The following PTPRN2 variants were observed in gnomAD, a reference collection of about 807,000 sequenced individuals.
PTPRN2 encodes the protein receptor-type tyrosine-protein phosphatase N2.
PTPRN2 carries 74 observed loss-of-function variants against 118.8 expected under a neutral mutation model. That is an observed-to-expected ratio of 0.62 (90% CI 0.52 to 0.76). PTPRN2 has a LOEUF of 0.76. Ranked by LOEUF, PTPRN2 falls within the 30% of genes least tolerant of loss-of-function variation. PTPRN2 has a pLI of 0.00. For synonymous variants in PTPRN2, 641 were observed against 608.0 expected (o/e 1.05, Z -0.80); for missense variants, 1,481 against 1,394.4 (o/e 1.06, Z -0.99).
chr7:158,333,612 T>G (rs1475954718), intron 2 of PTPRN2, among the ~76,000 whole-genome samples: 1 of 150,484 alleles, frequency 6.6e-6, no homozygotes, highest in Non-Finnish European at 1.5e-5. Context: ...ACTCTCACTA[T>G]AAGAGGTGAC....
intron 12 of PTPRN2, among the ~76,000 whole-genome samples, chr7:157,805,289 CTGTG>C (rs57161533): frequency 0.092 from 13,680 of 148,780 alleles, 689 homozygotes; most frequent in Middle Eastern, 0.14. Context: ...ATATATACTC[CTGTG>C]TGTGTGTGTG....
chr7:158,425,670 A>T (rs1417331435), intron 2 of PTPRN2, among the ~76,000 whole-genome samples: 1 of 9,876 alleles, frequency 1.0e-4, no homozygotes, highest in Non-Finnish European at 1.6e-4. Flanking sequence ...CGCGGGGTCC[A>T]AGTGCAGCCT....
chr7:157,820,484 C>T (rs1042634420), intron 12 of PTPRN2, among the ~76,000 whole-genome samples: 1 of 148,170 alleles, frequency 6.7e-6, no homozygotes, highest in Non-Finnish European at 1.5e-5. Context: ...CACTCATACA[C>T]GCACTCACAG....
chr7:158,286,403 G>A (rs183298268), intron 3 of PTPRN2, among the ~76,000 whole-genome samples: 17 of 152,282 alleles, frequency 1.1e-4, no homozygotes, highest in African/African-American at 1.9e-4. Flanking sequence ...AAGAAGTGGC[G>A]AGAGTTAGCA....
chr7:158,564,284 C>T (rs977227191), intron 1 of PTPRN2, among the ~76,000 whole-genome samples: 1 of 152,178 alleles, frequency 6.6e-6, no homozygotes, highest in Non-Finnish European at 1.5e-5. Flanking sequence ...GCAATGAACA[C>T]GCTTATGCAA....
Position 157,808,101 on chromosome 7 carries a change from A to C in PTPRN2, c.1788+90572T>G, listed in dbSNP as rs766590409. Among the ~76,000 whole-genome samples the C allele has an allele frequency of 3.3e-5, 5 of 151,880 alleles. No individual in the cohort carries two copies. The highest frequency in any genetic ancestry group is 7.3e-5 in the Non-Finnish European group (5 of 68,028). Reference sequence around the variant, plus strand: ...TCTCCCACCCATGTCTTCCCACTGGACCAGGCATCCCCAGCCTCTGGGCCA... The same window carrying C: ...TCTCCCACCCATGTCTTCCCACTGGCCCAGGCATCCCCAGCCTCTGGGCCA... On this transcript the variant is annotated intron_variant, in intron 12 of 22. Transcript: ENST00000389418. This position sits in a 1 kb window ranked among gnomAD's most constrained non-coding sequence, Gnocchi z 5.0.
At chr7:157,933,814 GA>G (rs1799539164) in intron 11 of PTPRN2, among the ~76,000 whole-genome samples, 3 of 133,574 alleles carry the variant, frequency 2.2e-5, no homozygotes, top group African/African-American at 7.5e-5. Flanking sequence ...GACAGCTTTA[GA>G]GGAAGGGTGA....
At chr7:157,892,272 G>A (rs1584963334) in intron 12 of PTPRN2, among the ~76,000 whole-genome samples, 1 of 152,214 alleles carries the variant, frequency 6.6e-6, no homozygotes. Context: ...CCATGGATCT[G>A]CCTTTATCCA....
intron 3 of PTPRN2, among the ~76,000 whole-genome samples, chr7:158,228,135 C>A (rs1473973417): frequency 6.6e-6 from 1 of 152,174 alleles, no homozygotes; most frequent in African/African-American, 2.4e-5. Context: ...AGTTTAGAAA[C>A]CAGACAATAA....
chr7:157,700,995 C>T (rs905834153), intron 12 of PTPRN2, among the ~76,000 whole-genome samples: 7 of 152,224 alleles, frequency 4.6e-5, no homozygotes, highest in African/African-American at 1.2e-4. Context: ...CTCTCACACA[C>T]GCACGCTTTC....
chr7:158,580,895 G>A (rs1049523624), intron 1 of PTPRN2, among the ~76,000 whole-genome samples: 4 of 151,964 alleles, frequency 2.6e-5, no homozygotes, highest in African/African-American at 4.8e-5. Flanking sequence ...AAAATAAGTC[G>A]CCCATTTCCA....
At chr7:157,608,621 G>T (rs1212509804) in intron 15 of PTPRN2, among the ~76,000 whole-genome samples, 5 of 152,168 alleles carry the variant, frequency 3.3e-5, no homozygotes, top group African/African-American at 1.2e-4. Flanking sequence ...TCCCCTAAAG[G>T]GCAGTTTCCT....
intron 2 of PTPRN2, among the ~76,000 whole-genome samples, chr7:158,457,963 G>C (rs1335910236): frequency 6.6e-6 from 1 of 152,158 alleles, no homozygotes; most frequent in African/African-American, 2.4e-5. Context: ...CATTTGGAAG[G>C]GTTCCGGGTC....
chr7:157,978,505 G>A (rs1802911499), intron 11 of PTPRN2, among the ~76,000 whole-genome samples: 1 of 151,942 alleles, frequency 6.6e-6, no homozygotes, highest in African/African-American at 2.4e-5. Flanking sequence ...TTCTGGCAAG[G>A]CAAGTCCATT....
intron 3 of PTPRN2, among the ~76,000 whole-genome samples, chr7:158,273,130 C>CG (rs1798624021): frequency 6.6e-6 from 1 of 152,034 alleles, no homozygotes; most frequent in Non-Finnish European, 1.5e-5. Context: ...GGACTCAGGC[C>CG]CCAGCTGCAG....
At chr7:158,102,833 G>C (rs1815347148) in intron 10 of PTPRN2, among the ~76,000 whole-genome samples, 1 of 152,184 alleles carries the variant, frequency 6.6e-6, no homozygotes, top group Non-Finnish European at 1.5e-5. Flanking sequence ...TGATGGTCTG[G>C]GGAGAAAGAC....
chr7:157,751,015 A>G (rs1177977524), intron 12 of PTPRN2, among the ~76,000 whole-genome samples: 1 of 152,226 alleles, frequency 6.6e-6, no homozygotes, highest in Non-Finnish European at 1.5e-5. Context: ...CGTGGGCTCT[A>G]AAGAGCCTCC....
intron 2 of PTPRN2, among the ~76,000 whole-genome samples, chr7:158,484,719 T>C (rs1192316774): frequency 6.6e-6 from 1 of 152,196 alleles, no homozygotes; most frequent in African/African-American, 2.4e-5. Context: ...ACTCGGTTTC[T>C]TCCTCTGAGC....
intron 2 of PTPRN2, among the ~76,000 whole-genome samples, chr7:158,321,589 T>C (rs1006136355): frequency 8.5e-5 from 13 of 152,176 alleles, no homozygotes; most frequent in Non-Finnish European, 1.6e-4. Context: ...CACGAGACTT[T>C]CAGAACCAGG....
Sources: allele counts gnomAD v4.1 joint callset (sites outside exome capture counted in the v4.1 genomes callset), GRCh38; gene constraint gnomAD v4.1.1; non-coding constraint Gnocchi (gnomAD v3.1); transcripts MANE v1.5; gene names NCBI Gene and HGNC (gene_info 2026-07-23, HGNC 2026-07-21).